ESR1: variants seen among roughly 807,000 people sequenced by gnomAD.
ESR1 encodes the protein estrogen receptor 1.
ESR1 carries 12 observed loss-of-function variants against 52.7 expected under a neutral mutation model. The ratio of observed to expected loss-of-function variants is 0.23; its 90% CI spans 0.15 to 0.37. The LOEUF (loss-of-function observed/expected upper bound fraction) is 0.37. ESR1 is among the 10% of genes least tolerant of loss of function. The probability of loss-of-function intolerance (pLI) is 1.00; values close to 1 mark genes in which losing one functional copy is unlikely to be tolerated. For missense variants in ESR1, 584 were observed against 779.7 expected (o/e 0.75, Z 2.99); for synonymous variants, 305 against 316.8 (o/e 0.96, Z 0.39).
chr6:151,899,757 C>G (rs1001491144), intron 3 of ESR1, among the ~76,000 whole-genome samples: 1 of 150,080 alleles, frequency 6.7e-6, no homozygotes, highest in Non-Finnish European at 1.5e-5. Flanking sequence ...ACATCCCAGA[C>G]GGGGCGGCAG....
chr6:152,086,508 T>A (rs1414298851), intron 6 of ESR1, among the ~76,000 whole-genome samples: 1 of 151,274 alleles, frequency 6.6e-6, no homozygotes, highest in Non-Finnish European at 1.5e-5. Flanking sequence ...AGACATTAAA[T>A]TCTTTTTAAA....
intron 5 of ESR1, among the ~76,000 whole-genome samples, chr6:152,035,582 A>G (rs964795406): frequency 1.3e-5 from 2 of 152,144 alleles, no homozygotes; most frequent in African/African-American, 4.8e-5. Flanking sequence ...GGAAAAGGCT[A>G]AGTACCAAAG....
intron 2 of ESR1, among the ~76,000 whole-genome samples, chr6:151,872,441 C>A (rs889757766): frequency 6.6e-6 from 1 of 152,194 alleles, no homozygotes; most frequent in Non-Finnish European, 1.5e-5. Context: ...CACATCTTCT[C>A]TCTGCCTCAT....
At chr6:151,900,762 G>A (rs1199778373) in intron 3 of ESR1, among the ~76,000 whole-genome samples, 1 of 152,210 alleles carries the variant, frequency 6.6e-6, no homozygotes, top group Non-Finnish European at 1.5e-5. Context: ...GCTAGTACTG[G>A]GGGCTGTCTG....
At chr6:151,692,529 C>CATAGCATA (rs1374309584) in intron 1 of ESR1, among the ~76,000 whole-genome samples, 1 of 152,148 alleles carries the variant, frequency 6.6e-6, no homozygotes, top group African/African-American at 2.4e-5. Context: ...AAAAAAAAGT[C>CATAGCATA]ATAGCATAGT....
At chr6:152,059,713 A>G (rs1006624134) in intron 5 of ESR1, among the ~76,000 whole-genome samples, 3 of 152,222 alleles carry the variant, frequency 2.0e-5, no homozygotes, top group African/African-American at 4.8e-5. Context: ...TCTACTTCCA[A>G]GAATTTATTC....
chr6:151,702,162 C>A (rs769606755), intron 2 of ESR1, among the ~76,000 whole-genome samples: 32 of 152,128 alleles, frequency 2.1e-4, no homozygotes, highest in Non-Finnish European at 3.8e-4. Flanking sequence ...CACCTACTAT[C>A]TGATGGGCAC....
chr6:151,923,524 T>A (rs1438466770), intron 3 of ESR1, among the ~76,000 whole-genome samples: 1 of 152,214 alleles, frequency 6.6e-6, no homozygotes, highest in Non-Finnish European at 1.5e-5. Context: ...ACCCCTGGTC[T>A]GTTTAATATC....
At chr6:151,768,618 T>G (rs1309066135) in intron 2 of ESR1, among the ~76,000 whole-genome samples, 1 of 152,102 alleles carries the variant, frequency 6.6e-6, no homozygotes, top group Non-Finnish European at 1.5e-5. Context: ...ATGTTGTTTT[T>G]GGAAATACAT....
At chr6:152,073,124 A>T (rs1245518060) in intron 6 of ESR1, among the ~76,000 whole-genome samples, 1 of 152,204 alleles carries the variant, frequency 6.6e-6, no homozygotes, top group East Asian at 1.9e-4. Context: ...TGTTAGCCCC[A>T]CTTCCTGCTA....
rs1469939392 is a variant in ESR1 at position 151,944,475 on chromosome 6, G to A, written c.1063G>A (p.Val355Ile). The stretch of plus-strand genomic sequence containing the variant: ...GACCAACCTGGCAGACAGGGAGCTG[G>A]TTCACATGATCAACTGGGCGAAGAG... Reference protein sequence around the residue: ...LLTNLADRELVHMINWAKRVP... With the variant: ...LLTNLADRELIHMINWAKRVP... The change falls in exon 4 of 8, where the codon GTT (valine) becomes ATT (isoleucine). Residue 355 changes from valine (V) to isoleucine (I), a missense_variant. By Grantham distance (29) the Val-to-Ile change is conservative. Coordinates refer to ENST00000206249, the MANE Select transcript of ESR1 (RefSeq NM_000125.4). 3 of 1,614,234 alleles carry A rather than the reference G, an allele frequency of 1.9e-6. No individual in the cohort carries two copies. Among genetic ancestry groups the A allele is most frequent in the Non-Finnish European group, 2.5e-6 (3 of 1,180,042 alleles).
rs569960125 is a variant in ESR1 at position 151,958,114 on chromosome 6, G to A, written c.1096+13606G>A. Among the ~76,000 whole-genome samples the A allele has an allele frequency of 2.3e-4, 35 of 152,316 alleles. No individual in the cohort carries two copies. In the South Asian group the frequency reaches 5.4e-3, roughly 23 times the overall value. On this transcript the variant is annotated intron_variant, in intron 4 of 7. Transcript: ENST00000206249. The stretch of plus-strand genomic sequence containing the variant: ...GTGCAATTGTACCTGGAATAAATGA[G>A]TTCTTTTAATAAAAAGAGTTGAATG...
Position 152,100,149 on chromosome 6 carries a change from G to C in ESR1, c.*1183G>C, listed in dbSNP as rs2050913086. 2.5e-6 allele frequency: 1 copy of C among 398,532 alleles called. No individual in the cohort carries two copies. The highest frequency in any genetic ancestry group is 4.4e-6 in the Non-Finnish European group (1 of 226,162). The allele number at this position is 398,532 out of a possible 1,614,324, so 24.7% of individuals were successfully genotyped here. A position where few individuals can be genotyped will look rare whatever the true frequency, so the allele number is the denominator to read the frequency against. On this transcript the variant is annotated 3_prime_UTR_variant, in exon 8 of 8. Transcript: ENST00000206249. ...CTTGCAGACCCCGCATTGCCCTTTGGGGGTGCCCTGGGATCCCTGGGGTAG... is the reference window on the plus strand; with the variant it reads ...CTTGCAGACCCCGCATTGCCCTTTGCGGGTGCCCTGGGATCCCTGGGGTAG...
chr6:151,909,168 G>C (rs1797878708), intron 3 of ESR1, among the ~76,000 whole-genome samples: 1 of 152,214 alleles, frequency 6.6e-6, no homozygotes, highest in South Asian at 2.1e-4. Context: ...AGAGCGTGCT[G>C]CTAATAACAC....
At chr6:151,915,808 A>G (rs1213089845) in intron 3 of ESR1, among the ~76,000 whole-genome samples, 2 of 152,068 alleles carry the variant, frequency 1.3e-5, no homozygotes, top group East Asian at 1.9e-4. Flanking sequence ...TATCACTGAC[A>G]TCAGCCTTTG....
In ESR1 at chr6:152,080,153, A is replaced by G. The variant is rs191224472; in HGVS notation, c.1370-14232A>G. ...AGGAAATACAGAGAACACTACAAAG[A>G]TACTCCTCAAGAAGAGCAACCCCAA... On this transcript the variant is annotated intron_variant, in intron 6 of 7. Transcript: ENST00000206249. Among the ~76,000 whole-genome samples the G allele has an allele frequency of 5.4e-3, 816 of 152,280 alleles. 11 individuals carry two copies. The highest frequency in any genetic ancestry group is 0.019 in the African/African-American group (773 of 41,534).
intron 5 of ESR1, among the ~76,000 whole-genome samples, chr6:152,059,402 A>T (rs935138110): frequency 6.6e-6 from 1 of 152,016 alleles, no homozygotes; most frequent in African/African-American, 2.4e-5. Flanking sequence ...TTAATTCTCT[A>T]TTAAATGTTT....
chr6:151,710,261 TG>T (rs1780496748), intron 2 of ESR1, among the ~76,000 whole-genome samples: 3 of 151,872 alleles, frequency 2.0e-5, no homozygotes, highest in South Asian at 2.1e-4. Flanking sequence ...AATGTTAGCC[TG>T]GTTTTCCTTT....
At chr6:151,716,482 A>G (rs892370188) in intron 2 of ESR1, among the ~76,000 whole-genome samples, 29 of 152,212 alleles carry the variant, frequency 1.9e-4, no homozygotes, top group African/African-American at 6.8e-4. Flanking sequence ...AGTTTTATCT[A>G]TAAGCCCCTG....
Sources: allele counts gnomAD v4.1 joint callset (sites outside exome capture counted in the v4.1 genomes callset), GRCh38; gene constraint gnomAD v4.1.1; transcripts MANE v1.5; gene names NCBI Gene and HGNC (gene_info 2026-07-23, HGNC 2026-07-21).